The following ZNF362 variants were observed in gnomAD, a reference collection of about 807,000 sequenced individuals.
ZNF362 encodes the protein rotund homolog.
A neutral mutation model predicts 42.9 loss-of-function variants in ZNF362; 11 were observed. That is an observed-to-expected ratio of 0.26 (90% CI 0.16 to 0.42). The LOEUF is 0.42. ZNF362 is among the 20% of genes least tolerant of loss of function. The pLI is 1.00. For missense variants in ZNF362, 362 were observed against 576.2 expected (o/e 0.63, Z 3.81); for synonymous variants, 255 against 257.3 (o/e 0.99, Z 0.09).
chr1:33,138,514 T>G, the ZNF362 span, among the ~76,000 whole-genome samples: 1 of 151,660 alleles, frequency 6.6e-6, no homozygotes, highest in Non-Finnish European at 1.5e-5. Context: ...TCTTTTTAAA[T>G]TAGCACGCCC....
At chr1:33,191,385 T>G in the ZNF362 span, among the ~76,000 whole-genome samples, 29,092 of 152,180 alleles carry the variant, frequency 0.19, 2,865 homozygotes, top group South Asian at 0.27. Flanking sequence ...CTATGTTCCA[T>G]TTCCCTTCTT....
At chr1:33,151,034 G>T in the ZNF362 span, among the ~76,000 whole-genome samples, 1 of 152,224 alleles carries the variant, frequency 6.6e-6, no homozygotes, top group African/African-American at 2.4e-5. Flanking sequence ...GTACCCTCAA[G>T]CAGGTATAAG....
Position 33,299,686 on chromosome 1 carries a change from G to C in ZNF362, c.*640G>C, listed in dbSNP as rs1241812351. On this transcript the variant is annotated 3_prime_UTR_variant, in exon 9 of 9. Coordinates refer to ENST00000539719, the MANE Select transcript of ZNF362 (RefSeq NM_152493.3). ...TTCAGGAGGCAGAAACGAGAGGGGT[G>C]GGAGATCCACAGGACCAAAGGGTGC... 1 of 153,078 alleles carries C rather than the reference G, an allele frequency of 6.5e-6. No individual in the cohort carries two copies. Among genetic ancestry groups the C allele is most frequent in the Middle Eastern group, 3.3e-3 (1 of 300 alleles). The allele number at this position is 153,078 out of a possible 1,614,324, so 9.5% of individuals were successfully genotyped here.
chr1:33,179,741 C>T, the ZNF362 span, among the ~76,000 whole-genome samples: 1 of 152,108 alleles, frequency 6.6e-6, no homozygotes, highest in African/African-American at 2.4e-5. Context: ...CGACTAGTAT[C>T]CCAAAGCCAG....
At chr1:33,156,850 TTCTTTCACACCTGGATTTGCTAA>T in the ZNF362 span, among the ~76,000 whole-genome samples, 2 of 152,174 alleles carry the variant, frequency 1.3e-5, no homozygotes, top group African/African-American at 4.8e-5. Context: ...CTCGTCTTCT[TTCTTTCACACCTGGATTTGCTAA>T]TCCGCTAGCA....
chr1:33,258,238 A>G (rs1570377652), intron 1 of ZNF362, among the ~76,000 whole-genome samples: 1 of 152,028 alleles, frequency 6.6e-6, no homozygotes, highest in Admixed American at 6.5e-5. Context: ...CTGGCTCCGC[A>G]GGCTGCCGAG....
At chr1:33,220,338 G>A in the ZNF362 span, among the ~76,000 whole-genome samples, 43 of 152,062 alleles carry the variant, frequency 2.8e-4, no homozygotes, top group Non-Finnish European at 8.8e-5. Context: ...CATATGCTGG[G>A]CCTCCTGCTA....
chr1:33,203,734 C>A, the ZNF362 span, among the ~76,000 whole-genome samples: 1 of 152,102 alleles, frequency 6.6e-6, no homozygotes, highest in Non-Finnish European at 1.5e-5. Flanking sequence ...ATGTTGAACA[C>A]CTTTTCATAC....
chr1:33,268,932 G>C (rs1351653329), intron 1 of ZNF362, among the ~76,000 whole-genome samples: 2 of 152,180 alleles, frequency 1.3e-5, no homozygotes, highest in Non-Finnish European at 2.9e-5. Flanking sequence ...AGGGTGGAGT[G>C]GGGGAACCTG....
chr1:33,270,481 T>C lies in ZNF362; in HGVS notation c.-88-6T>C. 1 of 705,590 alleles carries C rather than the reference T, an allele frequency of 1.4e-6. No homozygotes were observed. The highest frequency in any genetic ancestry group is 2.6e-6 in the Non-Finnish European group (1 of 388,418). 43.7% of individuals were successfully genotyped at this position (705,590 alleles called of 1,614,324 possible). A position where few individuals can be genotyped will look rare whatever the true frequency, so the allele number is the denominator to read the frequency against. On this transcript the variant is annotated splice_polypyrimidine_tract_variant and splice_region_variant and intron_variant, in intron 1 of 8. Transcript: ENST00000539719. ...TATTATTGTTATTGTTATTCCCATA[T>C]ACAAGGTGCTGTTGGGAACACAGAG... is the stretch of plus-strand genomic sequence containing the variant.
the ZNF362 span, among the ~76,000 whole-genome samples, chr1:33,198,903 G>T: frequency 6.6e-6 from 1 of 152,148 alleles, no homozygotes; most frequent in Admixed American, 6.6e-5. Context: ...AAATATACTG[G>T]ATGAGATTAA....
the ZNF362 span, among the ~76,000 whole-genome samples, chr1:33,226,586 C>T: frequency 5.1e-4 from 78 of 152,264 alleles, no homozygotes; most frequent in Non-Finnish European, 1.0e-3. Flanking sequence ...TAAATGAGGC[C>T]GGGCGCCATG....
At chr1:33,190,326 C>T in the ZNF362 span, among the ~76,000 whole-genome samples, 1 of 152,236 alleles carries the variant, frequency 6.6e-6, no homozygotes, top group East Asian at 1.9e-4. Context: ...ACTTTGCTGC[C>T]CATTATGGTA....
intron 1 of ZNF362, among the ~76,000 whole-genome samples, chr1:33,264,180 C>T (rs542347200): frequency 1.4e-4 from 21 of 152,270 alleles, no homozygotes; most frequent in East Asian, 1.9e-4. Context: ...TCCTGGGGGC[C>T]GGGCCAGAGC....
At chr1:33,236,550 A>AAAAATATATATATATATATATAT in the ZNF362 span, among the ~76,000 whole-genome samples, 2 of 5,980 alleles carry the variant, frequency 3.3e-4, no homozygotes, top group Non-Finnish European at 7.4e-4. Flanking sequence ...AAAAAAAAAA[A>AAAAATATATATATATATATATAT]ATATATATAT....
chr1:33,182,591 G>A, the ZNF362 span, among the ~76,000 whole-genome samples: 1 of 128,608 alleles, frequency 7.8e-6, no homozygotes, highest in Non-Finnish European at 1.6e-5. Context: ...CAATTCTGGA[G>A]TGCTGTATTT....
chr1:33,143,922 G>T, the ZNF362 span, among the ~76,000 whole-genome samples: 15 of 152,212 alleles, frequency 9.9e-5, no homozygotes, highest in Admixed American at 7.8e-4. Flanking sequence ...TCTGTGGAGG[G>T]ATACTTTGGA....
upstream of ZNF362, among the ~76,000 whole-genome samples, chr1:33,251,691 C>CA (rs751334090): frequency 7.9e-5 from 12 of 152,104 alleles, no homozygotes; most frequent in Non-Finnish European, 1.3e-4. Flanking sequence ...TTCAATGTGT[C>CA]AAACTCCTCC....
At chr1:33,129,606 ACT>A in the ZNF362 span, among the ~76,000 whole-genome samples, 1 of 152,110 alleles carries the variant, frequency 6.6e-6, no homozygotes, top group African/African-American at 2.4e-5. This position sits in a 1 kb window ranked among gnomAD's most constrained non-coding sequence, Gnocchi z 4.1. Flanking sequence ...AATATGTATG[ACT>A]CTTTTGTGTA....
Sources: allele counts gnomAD v4.1 joint callset (sites outside exome capture counted in the v4.1 genomes callset), GRCh38; gene constraint gnomAD v4.1.1; non-coding constraint Gnocchi (gnomAD v3.1); transcripts MANE v1.5; gene names NCBI Gene and HGNC (gene_info 2026-07-23, HGNC 2026-07-21).